Variants in PDS5B observed in about 807,000 individuals in gnomAD.
The protein encoded by PDS5B is sister chromatid cohesion protein PDS5 homolog B.
In PDS5B, 51 loss-of-function variants were observed where a neutral mutation model predicts 184.1. The ratio of observed to expected loss-of-function variants is 0.28; its 90% CI spans 0.22 to 0.35. The LOEUF (loss-of-function observed/expected upper bound fraction) is 0.35, where lower values mean the gene tolerates loss of function less well. PDS5B is among the 10% of genes least tolerant of loss of function. The pLI, the probability that PDS5B is intolerant of heterozygous loss-of-function variation, is 1.00. For missense variants in PDS5B, 1,180 were observed against 1,723.3 expected (o/e 0.68, Z 5.58); for synonymous variants, 566 against 569.2 (o/e 0.99, Z 0.08).
intron 19 of PDS5B, among the ~76,000 whole-genome samples, chr13:32,724,119 TTTG>T (rs755213911): frequency 1.3e-5 from 2 of 152,158 alleles, no homozygotes; most frequent in African/African-American, 2.4e-5. Context: ...AAAATGTGTT[TTTG>T]TTGTTGTTGT....
chr13:32,758,441 T>C (rs1593622545), intron 27 of PDS5B, 93 bp from the exon 28 acceptor site: 1 of 1,271,748 alleles, frequency 7.9e-7, no homozygotes. Flanking sequence ...AGTTTGCTAT[T>C]CAGACTGGAT....
intron 10 of PDS5B, among the ~76,000 whole-genome samples, chr13:32,682,245 G>A (rs1391955386): frequency 6.6e-6 from 1 of 152,058 alleles, no homozygotes; most frequent in African/African-American, 2.4e-5. Context: ...TTTGATGTTT[G>A]AAGAGAGTGA....
At chr13:32,735,727 A>T (rs958273156) in intron 21 of PDS5B, among the ~76,000 whole-genome samples, 3 of 152,158 alleles carry the variant, frequency 2.0e-5, no homozygotes, top group African/African-American at 7.2e-5. Flanking sequence ...ACATTGGGAG[A>T]GAACGAAAAA....
chr13:32,716,323 G>T (rs1482807083), intron 19 of PDS5B, among the ~76,000 whole-genome samples: 2 of 151,554 alleles, frequency 1.3e-5, no homozygotes, highest in African/African-American at 4.9e-5. Context: ...GCCCCATCTG[G>T]GATGTGAGGA....
chr13:32,673,533 G>A (rs1005269475), intron 8 of PDS5B, among the ~76,000 whole-genome samples, 177 bp downstream of exon 8: 17 of 152,158 alleles, frequency 1.1e-4, no homozygotes, highest in African/African-American at 3.1e-4. Flanking sequence ...TGCCTGGCAG[G>A]TGCCTAGCAG....
intron 3 of PDS5B, among the ~76,000 whole-genome samples, chr13:32,655,005 T>C (rs1244572498): frequency 6.6e-6 from 1 of 152,150 alleles, no homozygotes; most frequent in Non-Finnish European, 1.5e-5. Flanking sequence ...ACATGCGTCT[T>C]TATGGTAGAA....
At chr13:32,693,247 A>G (rs1274203665) in intron 13 of PDS5B, among the ~76,000 whole-genome samples, 3 of 151,984 alleles carry the variant, frequency 2.0e-5, no homozygotes, top group African/African-American at 7.2e-5. Context: ...TAAATTAGTA[A>G]AGTATAGCTA....
intron 17 of PDS5B, among the ~76,000 whole-genome samples, chr13:32,704,313 C>T (rs1300847822): frequency 6.6e-6 from 1 of 152,142 alleles, no homozygotes; most frequent in Non-Finnish European, 1.5e-5. Context: ...GGATTACAGG[C>T]ATGTGCCAGC....
chr13:32,657,996 GTT>G (rs1950558067), intron 3 of PDS5B, among the ~76,000 whole-genome samples: 1 of 152,032 alleles, frequency 6.6e-6, no homozygotes. Context: ...ATAAGATGAA[GTT>G]TTTTGACTTT....
chr13:32,733,482 C>G (rs925733708), intron 20 of PDS5B, among the ~76,000 whole-genome samples: 1 of 152,074 alleles, frequency 6.6e-6, no homozygotes, highest in African/African-American at 2.4e-5. Context: ...AATAGGCTGG[C>G]AAGATGTGCA....
chr13:32,670,942 T>A (rs968119545), intron 7 of PDS5B, among the ~76,000 whole-genome samples: 1 of 152,228 alleles, frequency 6.6e-6, no homozygotes, highest in African/African-American at 2.4e-5. Flanking sequence ...ACTGGTGACA[T>A]CTTTCATTAG....
At chr13:32,632,246 A>G (rs1018876536) in intron 1 of PDS5B, among the ~76,000 whole-genome samples, 1 of 152,208 alleles carries the variant, frequency 6.6e-6, no homozygotes, top group Non-Finnish European at 1.5e-5. Context: ...CACAACCTAC[A>G]GAAGAAAATA....
chr13:32,693,472 T>C (rs1000763486), intron 13 of PDS5B, among the ~76,000 whole-genome samples: 4 of 151,796 alleles, frequency 2.6e-5, no homozygotes, highest in African/African-American at 9.7e-5. Context: ...AAGAGTTTCT[T>C]ATATGCCTCT....
At chr13:32,602,307 C>T (rs2057989337) in intron 1 of PDS5B, among the ~76,000 whole-genome samples, 1 of 152,080 alleles carries the variant, frequency 6.6e-6, no homozygotes, top group African/African-American at 2.4e-5. Flanking sequence ...TCCAAGTGTT[C>T]TCATTGTTCA....
At position 32,775,961 on chromosome 13, in the gene PDS5B, G is replaced by T. The variant is rs1008667780; in HGVS notation, c.*909G>T. On this transcript the variant is annotated 3_prime_UTR_variant, in exon 35 of 35. Transcript: ENST00000315596. ...ATAGATATTTCCTCTTGAACGTTAT[G>T]TTCAGAAAATGCAAATTACACTATA... 6.3e-5 allele frequency: 12 copies of T among 190,658 alleles called. No individual in the cohort carries two copies. The South Asian group carries it at 1.1e-3, about 17-fold the overall frequency. 11.8% of individuals were successfully genotyped at this position (190,658 alleles called of 1,614,324 possible).
chr13:32,762,932 T>C (rs1954459088), intron 30 of PDS5B, among the ~76,000 whole-genome samples: 2 of 152,184 alleles, frequency 1.3e-5, no homozygotes, highest in African/African-American at 2.4e-5. Context: ...TCAAGACAAG[T>C]ATAATTTCAC....
intron 6 of PDS5B, among the ~76,000 whole-genome samples, chr13:32,661,643 G>A (rs1036363457): frequency 1.3e-5 from 2 of 151,772 alleles, no homozygotes; most frequent in African/African-American, 2.4e-5. Context: ...ATTGGTTAAA[G>A]CCGTTAATTT....
At position 32,667,793 on chromosome 13, in the gene PDS5B, A is replaced by C; in HGVS notation, c.654A>C (p.Ala218=). 1 of 1,598,846 alleles carries C rather than the reference A, an allele frequency of 6.3e-7. No individual in the cohort carries two copies. The highest frequency in any genetic ancestry group is 8.5e-7 in the Non-Finnish European group (1 of 1,173,472). The change falls in exon 7 of 35, where the codon GCA becomes GCC. Residue 218 remains alanine, a synonymous_variant. Coordinates refer to ENST00000315596, the MANE Select transcript of PDS5B (RefSeq NM_015032.4). ...TAAACAAGCAAGCATATGATTTGGC[A>C]AAGGCTTTACTGAAGAGGACAGCTC... ...KNLNKQAYDL[A]KALLKRTAQA...
At chr13:32,601,311 T>A (rs1381955718) in intron 1 of PDS5B, among the ~76,000 whole-genome samples, 1 of 152,242 alleles carries the variant, frequency 6.6e-6, no homozygotes, top group Non-Finnish European at 1.5e-5. Flanking sequence ...TCACACTCAT[T>A]TTCATTCATT....
Sources: gnomAD v4.1 joint callset for allele counts (sites outside exome capture counted in the v4.1 genomes callset) on GRCh38, gnomAD v4.1.1 for gene constraint, MANE v1.5 for transcripts, NCBI Gene and HGNC (gene_info 2026-07-23, HGNC 2026-07-21) for gene names.